The following MEOX1 variants were observed in gnomAD, a reference collection of about 807,000 sequenced individuals.
MEOX1 encodes homeobox protein MOX-1.
MEOX1 carries 17 observed loss-of-function variants against 23.2 expected under a neutral mutation model. The ratio of observed to expected loss-of-function variants is 0.73; its 90% CI spans 0.50 to 1.10. The LOEUF is 1.10. MEOX1 is among the 50% of genes least tolerant of loss of function. MEOX1 has a pLI of 0.00. For missense variants in MEOX1, 333 were observed against 332.2 expected (o/e 1.00, Z -0.02); for synonymous variants, 134 against 135.1 (o/e 0.99, Z 0.06).
chr17:43,646,352 G>C lies in MEOX1; in HGVS notation c.470-2692C>G, dbSNP rs561310282. On this transcript the variant is annotated intron_variant, in intron 1 of 2. Coordinates refer to ENST00000318579, the MANE Select transcript of MEOX1 (RefSeq NM_004527.4). ...GAGGGTCGGTCACGAGCGGATGACG[G>C]GCTTCCCGGAGCACAGCCCGGCCCA... Among the ~76,000 whole-genome samples the C allele has an allele frequency of 2.1e-3, 321 of 152,332 alleles. 2 individuals carry two copies. The highest frequency in any genetic ancestry group is 7.3e-3 in the African/African-American group (305 of 41,588).
chr17:43,658,435 G>A (rs1973079735), intron 1 of MEOX1, among the ~76,000 whole-genome samples: 1 of 151,708 alleles, frequency 6.6e-6, no homozygotes, highest in Admixed American at 6.6e-5. Context: ...TGAACCCAAG[G>A]GGCAGAGGTT....
intron 1 of MEOX1, among the ~76,000 whole-genome samples, chr17:43,658,384 A>G (rs144377180): frequency 6.1e-4 from 93 of 152,188 alleles, no homozygotes; most frequent in African/African-American, 2.2e-3. Flanking sequence ...GCGTGCGCCT[A>G]TAATCCCAGC....
intron 1 of MEOX1, among the ~76,000 whole-genome samples, chr17:43,658,603 G>C (rs925520270): frequency 6.6e-6 from 1 of 151,976 alleles, no homozygotes; most frequent in East Asian, 1.9e-4. Context: ...ATTTTGGAGA[G>C]GGGATCCAAT....
chr17:43,641,884 T>C lies in MEOX1; in HGVS notation c.*26A>G. On this transcript the variant is annotated 3_prime_UTR_variant, in exon 3 of 3. Transcript: ENST00000318579. ...GTAGTTGGGTAGGGGGCTCAGTCCT[T>C]AGTCATTTTTCCTCCATGCAGAATC... The C allele has an allele frequency of 6.2e-7, 1 of 1,603,804 alleles. No individual in the cohort carries two copies. The highest frequency in any genetic ancestry group is 1.7e-5 in the Admixed American group (1 of 59,184).
intron 1 of MEOX1, among the ~76,000 whole-genome samples, chr17:43,657,483 G>A (rs911303570): frequency 4.6e-5 from 7 of 152,106 alleles, no homozygotes; most frequent in South Asian, 2.1e-4. Context: ...CACCGCGCCC[G>A]GCCAACCCTT....
At chr17:43,648,466 CA>C (rs67553599) in intron 1 of MEOX1, among the ~76,000 whole-genome samples, 37,766 of 107,284 alleles carry the variant, frequency 0.35, 5,839 homozygotes, top group African/African-American at 0.53. Context: ...GACTCTGTCT[CA>C]AAAAAAAAAA....
At chr17:43,643,719 C>A (rs937939629) in intron 1 of MEOX1, 59 bp from the exon 2 acceptor site, 73 of 1,457,058 alleles carry the variant, frequency 5.0e-5, no homozygotes, top group Non-Finnish European at 6.3e-5. Flanking sequence ...CATTCCCTTT[C>A]TTTTGCCCTT....
At chr17:43,646,298 GC>G (rs1238884997) in intron 1 of MEOX1, among the ~76,000 whole-genome samples, 3 of 152,088 alleles carry the variant, frequency 2.0e-5, no homozygotes, top group Non-Finnish European at 2.9e-5. Context: ...CGCCGCCAGC[GC>G]CGCGCCCCCT....
At chr17:43,656,705 T>A (rs1469862499) in intron 1 of MEOX1, among the ~76,000 whole-genome samples, 1 of 152,188 alleles carries the variant, frequency 6.6e-6, no homozygotes, top group East Asian at 1.9e-4. Flanking sequence ...CGGATTCACC[T>A]GTAGCCACTC....
At chr17:43,646,253 G>C (rs1030411754) in intron 1 of MEOX1, among the ~76,000 whole-genome samples, 27 of 152,136 alleles carry the variant, frequency 1.8e-4, no homozygotes, top group Non-Finnish European at 3.7e-4. Context: ...GCGCAGCCCC[G>C]GGCCGGGGTC....
chr17:43,661,011 A>G, intron 1 of MEOX1, 55 bp downstream of exon 1: 2 of 1,207,762 alleles, frequency 1.7e-6, no homozygotes, highest in Non-Finnish European at 2.3e-6. Flanking sequence ...GAGGGTGAGT[A>G]ACTTCCCCAG....
Position 43,653,760 on chromosome 17 carries a change from G to A in MEOX1, c.469+7306C>T, listed in dbSNP as rs141280635. On this transcript the variant is annotated intron_variant, in intron 1 of 2. Coordinates refer to ENST00000318579, the MANE Select transcript of MEOX1 (RefSeq NM_004527.4). ...CTTGAGCTCATGATCCGCCCACCTC[G>A]GCCTCCCAAAGTGCTGGGATTACAG... 6.2e-3 allele frequency among the ~76,000 whole-genome samples: 939 copies of A among 151,394 alleles called. 8 individuals carry two copies. Among genetic ancestry groups the A allele is most frequent in the African/African-American group, 0.021 (864 of 41,224 alleles).
chr17:43,646,640 G>A, intron 1 of MEOX1, among the ~76,000 whole-genome samples: 1 of 152,200 alleles, frequency 6.6e-6, no homozygotes, highest in East Asian at 1.9e-4. Flanking sequence ...TAGGGTTATT[G>A]GAAGACCGAA....
chr17:43,644,211 T>A lies in MEOX1; in HGVS notation c.470-551A>T, dbSNP rs560058403. ...CAGTCAAGTCCGCTGCTCTAAGACCTCACCACTCAAAGGAGTGCCTGGGTG... is the reference window on the plus strand; with the variant it reads ...CAGTCAAGTCCGCTGCTCTAAGACCACACCACTCAAAGGAGTGCCTGGGTG... On this transcript the variant is annotated intron_variant, in intron 1 of 2. Transcript: ENST00000318579. Among the ~76,000 whole-genome samples the A allele has an allele frequency of 1.2e-4, 19 of 152,314 alleles. No homozygotes were observed. The South Asian group carries it at 2.7e-3, about 22-fold the overall frequency.
At chr17:43,646,153 G>A (rs948153009) in intron 1 of MEOX1, among the ~76,000 whole-genome samples, 5 of 152,174 alleles carry the variant, frequency 3.3e-5, no homozygotes, top group African/African-American at 1.2e-4. Flanking sequence ...TTCCTGGCGC[G>A]GGCTGCCTGC....
rs1218297904 is a variant in MEOX1 at position 43,661,468 on chromosome 17, G to T, written c.67C>A (p.Arg23=). 1 of 1,609,694 alleles carries T rather than the reference G, an allele frequency of 6.2e-7. No homozygotes were observed. ...CCATTGCCTTCCGAGTGGGGGTTTCGAAGGCAGCCCCAGACAGGGGCTGGG... is the reference window on the plus strand; with the variant it reads ...CCATTGCCTTCCGAGTGGGGGTTTCTAAGGCAGCCCCAGACAGGGGCTGGG... ...QPPAPVWGCL[R]NPHSEGNGAS... is the part of the protein sequence containing the mutation. Residue 23 remains arginine (R), a synonymous_variant, in exon 1 of 3, where the codon CGA becomes AGA. Coordinates refer to ENST00000318579, the MANE Select transcript of MEOX1 (RefSeq NM_004527.4).
intron 1 of MEOX1, among the ~76,000 whole-genome samples, chr17:43,660,200 C>A (rs770277316): frequency 3.3e-5 from 5 of 152,188 alleles, no homozygotes; most frequent in Non-Finnish European, 7.4e-5. Flanking sequence ...CAGGGAGGGC[C>A]TGGTGGGGAG....
At chr17:43,660,269 CAAA>C (rs2154589059) in intron 1 of MEOX1, among the ~76,000 whole-genome samples, 1 of 152,292 alleles carries the variant, frequency 6.6e-6, no homozygotes, top group African/African-American at 2.4e-5. Context: ...GGAATCTTAA[CAAA>C]TAGGCCAATC....
rs998211144 is a variant in MEOX1, at chr17:43,644,866, A to C, written c.470-1206T>G. ...AGGAGGCGGAGGCTACAGTGAGCGG[A>C]GATCACGCCATTGCACTCCAGCCTG... On this transcript the variant is annotated intron_variant, in intron 1 of 2. Transcript: ENST00000318579. Among the ~76,000 whole-genome samples, 4 of 152,210 alleles carry C rather than the reference A, an allele frequency of 2.6e-5. No individual in the cohort carries two copies. In the East Asian group the frequency reaches 7.7e-4, roughly 29 times the overall value.
Sources: allele counts gnomAD v4.1 joint callset (sites outside exome capture counted in the v4.1 genomes callset), GRCh38; gene constraint gnomAD v4.1.1; transcripts MANE v1.5; gene names NCBI Gene and HGNC (gene_info 2026-07-23, HGNC 2026-07-21).